The following SPATA16 variants were observed in gnomAD, a reference collection of about 807,000 sequenced individuals.
SPATA16 encodes the protein spermatogenesis associated 16.
SPATA16 carries 36 observed loss-of-function variants against 63.3 expected under a neutral mutation model. That is an observed-to-expected ratio of 0.57 (90% CI 0.44 to 0.75). The LOEUF is 0.75. Ranked by LOEUF, SPATA16 falls within the 30% of genes least tolerant of loss-of-function variation. The pLI is 0.00. For missense variants in SPATA16, 646 were observed against 679.3 expected (o/e 0.95, Z 0.54); for synonymous variants, 203 against 216.7 (o/e 0.94, Z 0.56).
chr3:173,040,496 G>A (rs569423019), intron 3 of SPATA16, among the ~76,000 whole-genome samples: 5 of 152,126 alleles, frequency 3.3e-5, no homozygotes, highest in Non-Finnish European at 7.4e-5. Flanking sequence ...CTTGCTAAAT[G>A]TTATTATTCA....
chr3:172,963,445 T>G (rs1275042967), intron 5 of SPATA16, among the ~76,000 whole-genome samples: 1 of 151,842 alleles, frequency 6.6e-6, no homozygotes, highest in Non-Finnish European at 1.5e-5. Context: ...AAAATAGTCA[T>G]AATAAATATA....
chr3:173,099,506 T>G (rs1482805738), intron 2 of SPATA16, among the ~76,000 whole-genome samples: 3 of 152,132 alleles, frequency 2.0e-5, no homozygotes, highest in African/African-American at 7.2e-5. Flanking sequence ...AGGATAAAGG[T>G]AGACTACCGT....
At position 172,939,311 on chromosome 3, in the gene SPATA16, T is replaced by A. The variant is rs951994370; in HGVS notation, c.1082-13819A>T. Among the ~76,000 whole-genome samples, 9 of 152,154 alleles carry A rather than the reference T, an allele frequency of 5.9e-5. No individual in the cohort carries two copies. The East Asian group carries it at 1.5e-3, about 26-fold the overall frequency. On this transcript the variant is annotated intron_variant, in intron 6 of 10. Coordinates refer to ENST00000351008, the MANE Select transcript of SPATA16 (RefSeq NM_031955.6). Reference sequence around the variant, plus strand: ...CCTTGATGTAAATATCTGGTCATAATGTACCAAGCAAGTGAACCCCAGTTT... The same window carrying A: ...CCTTGATGTAAATATCTGGTCATAAAGTACCAAGCAAGTGAACCCCAGTTT...
chr3:172,925,210 G>T, intron 7 of SPATA16, 136 bp downstream of exon 7: 1 of 967,098 alleles, frequency 1.0e-6, no homozygotes, highest in Non-Finnish European at 1.6e-6. Context: ...AGATTTCCTG[G>T]AACCAGAATT....
rs1560100901 is a variant in SPATA16 at position 173,028,004 on chromosome 3, TCCCTCCCTC to T, written c.759-8438_759-8430del. On this transcript the variant is annotated intron_variant, in intron 3 of 10. Transcript: ENST00000351008. ...CTCCCTCCCTCCCTCCCTCCCTCCCTCCCTCCCTCCCTTCCTTCTTTCCTTCCTTCCTTC... is the reference window on the plus strand; with the variant it reads ...CTCCCTCCCTCCCTCCCTCCCTCCCTCCTTCCTTCTTTCCTTCCTTCCTTC... 7.2e-3 allele frequency among the ~76,000 whole-genome samples: 181 copies of T among 25,208 alleles called. 7 individuals carry two copies. In the Middle Eastern group the frequency reaches 0.15, roughly 21 times the overall value. The allele number at this position is 25,208 out of a possible 152,430, so 16.5% of individuals were successfully genotyped here. A position where few individuals can be genotyped will look rare whatever the true frequency, so the allele number is the denominator to read the frequency against.
At chr3:173,093,526 A>T (rs1737275109) in intron 2 of SPATA16, among the ~76,000 whole-genome samples, 1 of 152,162 alleles carries the variant, frequency 6.6e-6, no homozygotes, top group African/African-American at 2.4e-5. Flanking sequence ...GGCACACAAT[A>T]AAAAAGTTTT....
chr3:172,962,205 A>T (rs1733803605), intron 5 of SPATA16, among the ~76,000 whole-genome samples: 1 of 143,026 alleles, frequency 7.0e-6, no homozygotes, highest in Non-Finnish European at 1.5e-5. Flanking sequence ...GTGAGCAGAG[A>T]TTAAGACCAC....
chr3:172,967,924 A>C (rs1733954870), intron 5 of SPATA16, among the ~76,000 whole-genome samples: 1 of 152,246 alleles, frequency 6.6e-6, no homozygotes, highest in African/African-American at 2.4e-5. Context: ...ACAATATAAT[A>C]GTAATGAAAA....
At chr3:172,956,861 C>A in intron 5 of SPATA16, 37 bp from the exon 6 acceptor site, 1 of 1,611,052 alleles carries the variant, frequency 6.2e-7, no homozygotes. Flanking sequence ...GCATCAATAA[C>A]AATATATGAC....
At chr3:173,049,223 T>A in intron 2 of SPATA16, 129 bp from the exon 3 acceptor site, 5 of 946,396 alleles carry the variant, frequency 5.3e-6, no homozygotes, top group Non-Finnish European at 7.7e-6. Context: ...TTTGCGTATA[T>A]GTTAAAAGTA....
chr3:172,916,235 T>G (rs1011678714), intron 9 of SPATA16, 82 bp downstream of exon 9: 55 of 1,425,684 alleles, frequency 3.9e-5, no homozygotes, highest in South Asian at 4.8e-5. Flanking sequence ...CACAGGATTT[T>G]TTTTTTTTTT....
chr3:173,109,170 G>A (rs1247193929), intron 2 of SPATA16, among the ~76,000 whole-genome samples: 1 of 151,926 alleles, frequency 6.6e-6, no homozygotes, highest in Admixed American at 6.6e-5. Context: ...TGTTCTCCCC[G>A]AGATGGTCAA....
intron 2 of SPATA16, among the ~76,000 whole-genome samples, chr3:173,108,515 T>TA (rs1473047760): frequency 6.6e-6 from 1 of 152,164 alleles, no homozygotes; most frequent in African/African-American, 2.4e-5. Context: ...CCTGGGATTG[T>TA]AAAAATACCA....
chr3:173,117,711 C>T lies in SPATA16; in HGVS notation c.21G>A (p.Arg7=). The stretch of plus-strand genomic sequence containing the variant: ...TCCTATTCACTGCATTCTCCAAACT[C>T]CTACTGCTTCCTGCATCCATCGATC... MDAGSS[R]SLENAVNRIY... The change falls in exon 2 of 11, where the codon AGG becomes AGA. Residue 7 remains arginine, a synonymous_variant. Transcript: ENST00000351008. 6.2e-7 allele frequency: 1 copy of T among 1,614,132 alleles called. No individual in the cohort carries two copies. Among genetic ancestry groups the T allele is most frequent in the South Asian group, 1.1e-5 (1 of 91,082 alleles).
At chr3:173,067,029 G>A (rs952213655) in intron 2 of SPATA16, among the ~76,000 whole-genome samples, 2 of 151,968 alleles carry the variant, frequency 1.3e-5, no homozygotes. Context: ...ACTGATAAAT[G>A]CATTGGAATT....
At chr3:172,960,954 CCTCTCT>C (rs371690526) in intron 5 of SPATA16, among the ~76,000 whole-genome samples, 1 of 142,394 alleles carries the variant, frequency 7.0e-6, no homozygotes, top group Non-Finnish European at 1.5e-5. Context: ...TTCCCCCCTC[CCTCTCT>C]CTCTCTCTTT....
At chr3:173,084,462 G>A (rs755293136) in intron 2 of SPATA16, among the ~76,000 whole-genome samples, 1 of 152,100 alleles carries the variant, frequency 6.6e-6, no homozygotes, top group Non-Finnish European at 1.5e-5. Flanking sequence ...CTCCCATTCT[G>A]TAGGTTGTTT....
chr3:173,047,092 A>C (rs1277520592), intron 3 of SPATA16, among the ~76,000 whole-genome samples: 1 of 151,948 alleles, frequency 6.6e-6, no homozygotes, highest in Non-Finnish European at 1.5e-5. Context: ...GAACATTTCT[A>C]ATTCTAAATA....
At position 172,916,468 on chromosome 3, in the gene SPATA16, G is replaced by C. The variant is rs767773687; in HGVS notation, c.1352C>G (p.Ala451Gly). The C allele has an allele frequency of 1.9e-6, 3 of 1,613,734 alleles. No individual in the cohort carries two copies. The South Asian group carries it at 3.3e-5, about 18-fold the overall frequency. The stretch of plus-strand genomic sequence containing the variant: ...CAACTTCTCCATCACACCTGAGGAT[G>C]CAGGAAAACTCCCCTAGTCTCAAAG... ...RSTQLNGSFP[A>G]SSGVMEKLQY... Residue 451 changes from alanine (A) to glycine (G), a missense_variant, in exon 9 of 11, where the codon GCA (alanine) becomes GGA (glycine). Coordinates refer to ENST00000351008, the MANE Select transcript of SPATA16 (RefSeq NM_031955.6).
Sources: gnomAD v4.1 joint callset for allele counts (sites outside exome capture counted in the v4.1 genomes callset) on GRCh38, gnomAD v4.1.1 for gene constraint, MANE v1.5 for transcripts, NCBI Gene and HGNC (gene_info 2026-07-23, HGNC 2026-07-21) for gene names.